Variants in LOXL2 observed in about 807,000 individuals in gnomAD.
The protein encoded by LOXL2 is lysyl oxidase homolog 2.
Under a neutral mutation model 93.0 loss-of-function variants are expected in LOXL2, and 70 were observed. The observed-to-expected ratio is 0.75, with a 90% CI of 0.62 to 0.92. The LOEUF is 0.92. Among genes scored for constraint, LOXL2 ranks in the 40% least tolerant of loss-of-function variants. The probability of loss-of-function intolerance (pLI) is 0.00; values close to 1 mark genes in which losing one functional copy is unlikely to be tolerated. For synonymous variants in LOXL2, 438 were observed against 413.2 expected (o/e 1.06, Z -0.73); for missense variants, 973 against 1,054.9 (o/e 0.92, Z 1.08).
intron 8 of LOXL2, among the ~76,000 whole-genome samples, chr8:23,319,183 G>A (rs562788578): frequency 6.6e-6 from 1 of 152,280 alleles, no homozygotes; most frequent in African/African-American, 2.4e-5. Context: ...AGGCAGGGAA[G>A]GGTGGCTGCT....
At chr8:23,322,897 C>CG (rs1803518388) in intron 6 of LOXL2, among the ~76,000 whole-genome samples, 1 of 152,162 alleles carries the variant, frequency 6.6e-6, no homozygotes, top group Non-Finnish European at 1.5e-5. Flanking sequence ...CGAAGAGCTC[C>CG]CAGTTCCTGG....
rs1803210458 is a variant in LOXL2 at position 23,305,203 on chromosome 8, A to G, written c.1881-1806T>C. On this transcript the variant is annotated intron_variant, in intron 10 of 13. Coordinates refer to ENST00000389131, the MANE Select transcript of LOXL2 (RefSeq NM_002318.3). ...TTATGTGACCATGTTTACCAGCTGG[A>G]AAGACTGAAGAGAAATAGGTTGATG... Among the ~76,000 whole-genome samples, 4 of 152,196 alleles carry G rather than the reference A, an allele frequency of 2.6e-5. No individual in the cohort carries two copies. In the South Asian group the frequency reaches 8.3e-4, roughly 31 times the overall value.
intron 3 of LOXL2, among the ~76,000 whole-genome samples, chr8:23,346,142 T>TA (rs1554479818): frequency 0.21 from 23,137 of 112,376 alleles, 2,357 homozygotes; most frequent in South Asian, 0.27. Flanking sequence ...TAAAATAAAA[T>TA]AAATAAAATA....
chr8:23,337,750 G>A (rs1001406704), intron 4 of LOXL2, among the ~76,000 whole-genome samples: 9 of 152,336 alleles, frequency 5.9e-5, no homozygotes, highest in Middle Eastern at 6.8e-3. Flanking sequence ...CACCAGGAAT[G>A]GGGGCCTGAA....
At chr8:23,359,151 C>T (rs1469899337) in intron 3 of LOXL2, among the ~76,000 whole-genome samples, 1 of 152,118 alleles carries the variant, frequency 6.6e-6, no homozygotes, top group Non-Finnish European at 1.5e-5. Context: ...CGCGCCCGAC[C>T]CAGTACCTGC....
chr8:23,328,562 G>A lies in LOXL2; in HGVS notation c.970C>T (p.Pro324Ser), dbSNP rs763717218. The change falls in exon 6 of 14, where the codon CCC becomes TCC. Residue 324 changes from proline (P) to serine (S), a missense_variant. Physicochemically the swap from Pro to Ser is moderately conservative, Grantham distance 74. Transcript: ENST00000389131. ...RFRKAYKPEQ[P>S]LVRLRGGAYI... is the part of the protein sequence containing the mutation. ...GCACCGCCTCTCAGTCGCACCAGGG[G>A]TTGCTGAAGAGACACACGGTCCTGC... is the stretch of plus-strand genomic sequence containing the variant. 2.5e-6 allele frequency: 4 copies of A among 1,613,700 alleles called. No homozygotes were observed. In the African/African-American group the frequency reaches 4.0e-5, roughly 16 times the overall value.
chr8:23,338,706 C>T (rs1207719010), intron 4 of LOXL2, among the ~76,000 whole-genome samples: 2 of 152,180 alleles, frequency 1.3e-5, no homozygotes, highest in African/African-American at 2.4e-5. Flanking sequence ...CTTCAAGGGC[C>T]GGGCAGGGTG....
At chr8:23,313,187 G>C (rs1188274995) in intron 9 of LOXL2, among the ~76,000 whole-genome samples, 1 of 152,162 alleles carries the variant, frequency 6.6e-6, no homozygotes, top group Non-Finnish European at 1.5e-5. Flanking sequence ...CTCATGGATA[G>C]GAAGAATCAG....
rs770359466 is a variant in LOXL2, at chr8:23,319,946, A to G, written c.1409T>C (p.Ile470Thr). 1 of 1,614,018 alleles carries G rather than the reference A, an allele frequency of 6.2e-7. No homozygotes were observed. Among genetic ancestry groups the G allele is most frequent in the South Asian group, 1.1e-5 (1 of 91,078 alleles). ...GCGGCAGACCACCATGGCCTCCACG[A>G]TGCCCCAGTTTTGGCCACACACCAT... ...WGMVCGQNWG[I>T]VEAMVVCRQL... Residue 470 changes from isoleucine to threonine, a missense_variant, in exon 8 of 14, where the codon ATC becomes ACC. Coordinates refer to ENST00000389131, the MANE Select transcript of LOXL2 (RefSeq NM_002318.3).
chr8:23,350,596 T>C (rs1011575790), intron 3 of LOXL2, among the ~76,000 whole-genome samples: 1 of 150,572 alleles, frequency 6.6e-6, no homozygotes, highest in Non-Finnish European at 1.5e-5. Context: ...GCTGGTAACA[T>C]TCTTTAGCCT....
intron 5 of LOXL2, chr8:23,331,681 CAGAT>C (rs1397449922): frequency 9.9e-5 from 15 of 152,150 alleles, no homozygotes; most frequent in Admixed American, 3.9e-4. Context: ...CAAGAAGAGA[CAGAT>C]AGGGCATTTG....
At chr8:23,372,039 T>C (rs999845089) in intron 1 of LOXL2, among the ~76,000 whole-genome samples, 2 of 151,884 alleles carry the variant, frequency 1.3e-5, no homozygotes, top group African/African-American at 2.4e-5. Flanking sequence ...TAATCCAAAA[T>C]TGAAGCAATA....
chr8:23,333,665 C>T (rs367563639), intron 4 of LOXL2, 42 bp from the exon 5 acceptor site: 13 of 1,502,628 alleles, frequency 8.7e-6, no homozygotes, highest in East Asian at 6.8e-5. Context: ...GGCATCATGA[C>T]GCCTACCCCG....
intron 5 of LOXL2, among the ~76,000 whole-genome samples, chr8:23,330,403 T>C (rs1294699733): frequency 1.3e-5 from 2 of 152,128 alleles, no homozygotes; most frequent in African/African-American, 4.8e-5. Context: ...CACGCATAAC[T>C]ACTGGCTGGC....
In LOXL2 at chr8:23,298,000, ATGTGG is replaced by A; in HGVS notation, c.*38_*42del. 6.6e-7 allele frequency: 1 copy of A among 1,523,946 alleles called. No individual in the cohort carries two copies. The highest frequency in any genetic ancestry group is 1.4e-5 in the African/African-American group (1 of 73,300). 94.4% of individuals were successfully genotyped at this position (1,523,946 alleles called of 1,614,324 possible). A position where few individuals can be genotyped will look rare whatever the true frequency, so the allele number is the denominator to read the frequency against. ...TTGTTGGGGGGAAGTCCCATGGAAG[ATGTGG>A]TGTGGCCTGAAGACAGGAGTTGACC... On this transcript the variant is annotated 3_prime_UTR_variant, in exon 14 of 14. Transcript: ENST00000389131.
chr8:23,350,663 C>T (rs1804076903), intron 3 of LOXL2, among the ~76,000 whole-genome samples: 1 of 152,180 alleles, frequency 6.6e-6, no homozygotes, highest in African/African-American at 2.4e-5. Context: ...ATTTCTGTTC[C>T]TCAGCTCTAG....
At chr8:23,401,111 C>T (rs1800147473) in intron 1 of LOXL2, among the ~76,000 whole-genome samples, 1 of 152,190 alleles carries the variant, frequency 6.6e-6, no homozygotes, top group Admixed American at 6.5e-5. Context: ...CCCTGGCTCC[C>T]TGGGTCACCA....
In LOXL2 at chr8:23,342,141, C is replaced by T. The variant is rs1035743479; in HGVS notation, c.532-938G>A. On this transcript the variant is annotated intron_variant, in intron 3 of 13. Coordinates refer to ENST00000389131, the MANE Select transcript of LOXL2 (RefSeq NM_002318.3). ...CACGTGGGTGTTCCCCCTCCCTCGA[C>T]GTGGAGCTGAAATATCCCTGTACCA... 4.6e-5 allele frequency among the ~76,000 whole-genome samples: 7 copies of T among 152,186 alleles called. No homozygotes were observed. The South Asian group carries it at 8.3e-4, about 18-fold the overall frequency.
chr8:23,309,820 C>T lies in LOXL2; in HGVS notation c.1728G>A (p.Glu576=). ...CGGCTGAGGCCGAGAGGCAGTTCTC[C>T]TCCATGGCACACTGCAGCATGAACA... is the stretch of plus-strand genomic sequence containing the variant. ...RPMFMLQCAM[E]ENCLSASAAQ... The change falls in exon 10 of 14, where the codon GAG becomes GAA. Residue 576 remains glutamate (E), a synonymous_variant. Coordinates refer to ENST00000389131, the MANE Select transcript of LOXL2 (RefSeq NM_002318.3). 1 of 1,602,568 alleles carries T rather than the reference C, an allele frequency of 6.2e-7. No homozygotes were observed. The highest frequency in any genetic ancestry group is 8.5e-7 in the Non-Finnish European group (1 of 1,174,724).
Sources: allele counts gnomAD v4.1 joint callset (sites outside exome capture counted in the v4.1 genomes callset), GRCh38; gene constraint gnomAD v4.1.1; transcripts MANE v1.5; gene names NCBI Gene and HGNC (gene_info 2026-07-23, HGNC 2026-07-21).